Variants in CD34 observed in about 807,000 individuals in gnomAD.
The protein encoded by CD34 is CD34 molecule, also known as hematopoietic progenitor cell antigen CD34.
A neutral mutation model predicts 40.1 loss-of-function variants in CD34; 34 were observed. The observed-to-expected ratio is 0.85, with a 90% CI of 0.65 to 1.13. The LOEUF (loss-of-function observed/expected upper bound fraction) is 1.13. Ranked by LOEUF, CD34 falls within the 50% of genes most tolerant of loss-of-function variation. The pLI, the probability that CD34 is intolerant of heterozygous loss-of-function variation, is 0.00. For missense variants in CD34, 426 were observed against 466.9 expected (o/e 0.91, Z 0.81); for synonymous variants, 209 against 190.0 (o/e 1.10, Z -0.82).
At chr1:207,900,983 C>T (rs1210808573) in intron 1 of CD34, among the ~76,000 whole-genome samples, 5 of 147,086 alleles carry the variant, frequency 3.4e-5, no homozygotes, top group Non-Finnish European at 7.4e-5. Context: ...TTCTGTATAT[C>T]CTGGGATACA....
intron 4 of CD34, among the ~76,000 whole-genome samples, chr1:207,895,130 C>G (rs1019945918): frequency 1.3e-5 from 2 of 152,178 alleles, no homozygotes; most frequent in Non-Finnish European, 2.9e-5. Context: ...ACCGAAAGTA[C>G]AAATCCAACC....
In CD34 at chr1:207,907,170, A is replaced by G. The variant is rs547848503; in HGVS notation, c.79+3832T>C. ...AGGGCATGGAACGAGATTACAGGGC[A>G]GCCCAGGGGAGACAATGGCATAACC... On this transcript the variant is annotated intron_variant, in intron 1 of 7. Coordinates refer to ENST00000310833, the MANE Select transcript of CD34 (RefSeq NM_001025109.2). Among the ~76,000 whole-genome samples, 263 of 152,322 alleles carry G rather than the reference A, an allele frequency of 1.7e-3. 3 individuals are homozygous for G. The highest frequency in any genetic ancestry group is 6.0e-3 in the African/African-American group (251 of 41,576).
In CD34 at chr1:207,886,869, AG is replaced by A. The variant is rs1661907651; in HGVS notation, c.*868del. ...ACAGCTCAACCCAGGAGTCGGCAGG[AG>A]GGAGGAGGAAGCCATGGAGATCAGA... On this transcript the variant is annotated 3_prime_UTR_variant, in exon 8 of 8. Transcript: ENST00000310833. 1 of 152,714 alleles carries A rather than the reference AG, an allele frequency of 6.5e-6. No individual in the cohort carries two copies. Among genetic ancestry groups the A allele is most frequent in the Admixed American group, 6.5e-5 (1 of 15,286 alleles). 9.5% of individuals were successfully genotyped at this position (152,714 alleles called of 1,614,324 possible). A position where few individuals can be genotyped will look rare whatever the true frequency, so the allele number is the denominator to read the frequency against.
chr1:207,896,612 C>G (rs1348207722), intron 4 of CD34, among the ~76,000 whole-genome samples: 1 of 151,926 alleles, frequency 6.6e-6, no homozygotes, highest in African/African-American at 2.4e-5. Context: ...GACAAATAGG[C>G]CTATGACATC....
chr1:207,901,117 G>C (rs981547448), intron 1 of CD34, among the ~76,000 whole-genome samples: 1 of 150,988 alleles, frequency 6.6e-6, no homozygotes, highest in African/African-American at 2.4e-5. Context: ...TGATCCTCCT[G>C]TCTTGGCCTC....
intron 7 of CD34, 69 bp from the exon 8 acceptor site, chr1:207,887,992 G>A (rs1471940909): frequency 8.0e-7 from 1 of 1,248,684 alleles, no homozygotes; most frequent in African/African-American, 1.7e-5. Flanking sequence ...TGGGAGAGGG[G>A]CCCAAACAGG....
At position 207,884,610 on chromosome 1, in the gene CD34, C is replaced by T. The variant is rs1373096440; in HGVS notation, c.*3128G>A. On this transcript the variant is annotated 3_prime_UTR_variant, in exon 8 of 8. Transcript: ENST00000310833. Reference sequence around the variant, plus strand: ...GAAGAGGAAGTGTGGGATTAATCTACCTAGAAGGGATGAGATGGAAGTGAT... The same window carrying T: ...GAAGAGGAAGTGTGGGATTAATCTATCTAGAAGGGATGAGATGGAAGTGAT... 6.6e-6 allele frequency: 1 copy of T among 152,192 alleles called. No individual in the cohort carries two copies. Among genetic ancestry groups the T allele is most frequent in the East Asian group, 1.9e-4 (1 of 5,206 alleles). 9.4% of individuals were successfully genotyped at this position (152,192 alleles called of 1,614,324 possible). A position where few individuals can be genotyped will look rare whatever the true frequency, so the allele number is the denominator to read the frequency against.
At chr1:207,891,963 G>A (rs1264015356) in intron 4 of CD34, among the ~76,000 whole-genome samples, 1 of 152,158 alleles carries the variant, frequency 6.6e-6, no homozygotes, top group East Asian at 1.9e-4. Flanking sequence ...TGGCTGGAGG[G>A]TGAGCAGAGG....
chr1:207,888,976 T>C (rs1661970192), intron 6 of CD34, 130 bp from the exon 7 acceptor site: 8 of 1,026,460 alleles, frequency 7.8e-6, no homozygotes, highest in Middle Eastern at 2.3e-4. Flanking sequence ...ATTTTTGAAA[T>C]GGGATTTGAG....
chr1:207,884,842 C>G lies in CD34; in HGVS notation c.*2896G>C, dbSNP rs947744668. The G allele has an allele frequency of 5.3e-5, 8 of 152,124 alleles. No individual in the cohort carries two copies. Among genetic ancestry groups the G allele is most frequent in the Non-Finnish European group, 1.2e-4 (8 of 68,010 alleles). The allele number at this position is 152,124 out of a possible 1,614,324, so 9.4% of individuals were successfully genotyped here. A position where few individuals can be genotyped will look rare whatever the true frequency, so the allele number is the denominator to read the frequency against. Reference sequence around the variant, plus strand: ...CTCCTCCAGGACCTGCTTGGCTGGCCAGGCCTAGGATAGCTTATGTTGATG... The same window carrying G: ...CTCCTCCAGGACCTGCTTGGCTGGCGAGGCCTAGGATAGCTTATGTTGATG... On this transcript the variant is annotated 3_prime_UTR_variant, in exon 8 of 8. Transcript: ENST00000310833.
intron 3 of CD34, among the ~76,000 whole-genome samples, chr1:207,898,455 A>AAGGCTGAGAAGGCC (rs1233105022): frequency 1.3e-5 from 2 of 152,172 alleles, no homozygotes; most frequent in Non-Finnish European, 2.9e-5. Context: ...CATAGGCCCT[A>AAGGCTGAGAAGGCC]AGGCTGAGAA....
chr1:207,887,429 A>C lies in CD34; in HGVS notation c.*309T>G. 1.0e-5 allele frequency: 3 copies of C among 294,984 alleles called. No individual in the cohort carries two copies. The highest frequency in any genetic ancestry group is 1.9e-5 in the Non-Finnish European group (3 of 158,954). The allele number at this position is 294,984 out of a possible 1,614,324, so 18.3% of individuals were successfully genotyped here. The stretch of plus-strand genomic sequence containing the variant: ...GCGGCAGAGAGGAGGGGGTAGGGGA[A>C]GGGGGTCCTGTGTGAGTGCTGCAAG... On this transcript the variant is annotated 3_prime_UTR_variant, in exon 8 of 8. Transcript: ENST00000310833.
intron 1 of CD34, among the ~76,000 whole-genome samples, chr1:207,906,367 T>C (rs1662381302): frequency 6.6e-6 from 1 of 152,174 alleles, no homozygotes. Context: ...TCAGGAGGCA[T>C]CCGTGTTAGG....
intron 7 of CD34, chr1:207,888,235 G>A (rs1489549207): frequency 1.9e-6 from 2 of 1,060,174 alleles, no homozygotes; most frequent in Non-Finnish European, 2.9e-6. Flanking sequence ...CAGGGTAGGG[G>A]ACAGGCCAGA....
At chr1:207,901,657 G>T (rs531212717) in intron 1 of CD34, among the ~76,000 whole-genome samples, 1 of 152,354 alleles carries the variant, frequency 6.6e-6, no homozygotes, top group South Asian at 2.1e-4. Flanking sequence ...GGCCTTCCAG[G>T]TGATCACGAA....
Position 207,899,090 on chromosome 1 carries a change from G to C in CD34, c.399C>G (p.Thr133=). 1 of 1,614,230 alleles carries C rather than the reference G, an allele frequency of 6.2e-7. No individual in the cohort carries two copies. The highest frequency in any genetic ancestry group is 1.1e-5 in the South Asian group (1 of 91,092). The change falls in exon 3 of 8, where the codon ACC becomes ACG. Residue 133 remains threonine, a synonymous_variant. Coordinates refer to ENST00000310833, the MANE Select transcript of CD34 (RefSeq NM_001025109.2). ...TTCCAGGTGACAGGCTAGGCTTCAAGGTTGTCTCTGGAGTTGAAACGTTGG... is the reference window on the plus strand; with the variant it reads ...TTCCAGGTGACAGGCTAGGCTTCAACGTTGTCTCTGGAGTTGAAACGTTGG... ...TPANVSTPET[T]LKPSLSPGNV...
chr1:207,907,975 G>A (rs972096206), intron 1 of CD34, among the ~76,000 whole-genome samples: 3 of 152,190 alleles, frequency 2.0e-5, no homozygotes, highest in Non-Finnish European at 4.4e-5. Flanking sequence ...GTCAATGAGA[G>A]AGGGAGGCCC....
rs1352421974 is a variant in CD34 at position 207,883,519 on chromosome 1, G to A, written c.*4219C>T. ...TTATCCCCAAGATTTAAACATTTGG[G>A]GTTCAAATAAACTCACATCCTATTC... On this transcript the variant is annotated 3_prime_UTR_variant, in exon 8 of 8. Transcript: ENST00000310833. 1.3e-5 allele frequency: 2 copies of A among 152,062 alleles called. No homozygotes were observed. Among genetic ancestry groups the A allele is most frequent in the Non-Finnish European group, 2.9e-5 (2 of 68,020 alleles). The allele number at this position is 152,062 out of a possible 1,614,324, so 9.4% of individuals were successfully genotyped here.
At chr1:207,888,904 C>G in intron 6 of CD34, 58 bp from the exon 7 acceptor site, 2 of 1,536,740 alleles carry the variant, frequency 1.3e-6, no homozygotes, top group African/African-American at 2.7e-5. Context: ...GAGCCCAGCC[C>G]GCTCCAGCCC....
Sources: gnomAD v4.1 joint callset for allele counts (sites outside exome capture counted in the v4.1 genomes callset) on GRCh38, gnomAD v4.1.1 for gene constraint, MANE v1.5 for transcripts, NCBI Gene and HGNC (gene_info 2026-07-23, HGNC 2026-07-21) for gene names.